PIK3C3: variants seen among roughly 807,000 people sequenced by gnomAD.
PIK3C3 encodes phosphatidylinositol 3-kinase catalytic subunit type 3, also known as PI3-kinase type 3.
A neutral mutation model predicts 126.1 loss-of-function variants in PIK3C3; 95 were observed. That is an observed-to-expected ratio of 0.75 (90% CI 0.64 to 0.89). PIK3C3 has a LOEUF of 0.89. Among genes scored for constraint, PIK3C3 ranks in the 40% least tolerant of loss-of-function variants. The pLI, the probability that PIK3C3 is intolerant of heterozygous loss-of-function variation, is 0.00. For synonymous variants in PIK3C3, 374 were observed against 360.0 expected (o/e 1.04, Z -0.44); for missense variants, 829 against 1,063.2 (o/e 0.78, Z 3.06).
chr18:42,039,042 A>G (rs1280829943), intron 18 of PIK3C3, among the ~76,000 whole-genome samples, 192 bp downstream of exon 18: 1 of 152,148 alleles, frequency 6.6e-6, no homozygotes, highest in African/African-American at 2.4e-5. Flanking sequence ...TGATTAATGT[A>G]ACTACTGGTT....
In PIK3C3 at chr18:42,011,975, G is replaced by A. The variant is rs182859254; in HGVS notation, c.1171-1467G>A. Among the ~76,000 whole-genome samples the A allele has an allele frequency of 9.2e-5, 14 of 152,214 alleles. No individual in the cohort carries two copies. The East Asian group carries it at 2.7e-3, about 29-fold the overall frequency. On this transcript the variant is annotated intron_variant, in intron 10 of 24. Coordinates refer to ENST00000262039, the MANE Select transcript of PIK3C3 (RefSeq NM_002647.4). ...TGATTAAGTGTGCCATCCTATATGG[G>A]TATGCTTTGTGGCACCCCTGGTTAC... is the stretch of plus-strand genomic sequence containing the variant.
chr18:42,005,812 T>A (rs2144386196), intron 10 of PIK3C3, among the ~76,000 whole-genome samples: 1 of 145,838 alleles, frequency 6.9e-6, no homozygotes, highest in South Asian at 2.3e-4. Flanking sequence ...ATTTAAACAC[T>A]AAAGTAAATA....
At chr18:42,070,643 G>C (rs1985735549) in intron 24 of PIK3C3, 1 of 152,096 alleles carries the variant, frequency 6.6e-6, no homozygotes, top group South Asian at 2.1e-4. Context: ...TAAAGTGATT[G>C]ACATTGAGGT....
intron 13 of PIK3C3, chr18:42,026,514 C>G (rs901299798): frequency 2.0e-5 from 3 of 152,030 alleles, no homozygotes; most frequent in African/African-American, 7.3e-5. Context: ...AGCTGGAGTG[C>G]AATGGTATGA....
intron 21 of PIK3C3, among the ~76,000 whole-genome samples, chr18:42,053,287 CAAT>C (rs1306057215): frequency 6.6e-6 from 1 of 152,152 alleles, no homozygotes; most frequent in Non-Finnish European, 1.5e-5. Flanking sequence ...ATATTAGTCT[CAAT>C]TATGGATTTC....
At chr18:41,967,577 G>A (rs1302441242) in intron 3 of PIK3C3, among the ~76,000 whole-genome samples, 1 of 152,122 alleles carries the variant, frequency 6.6e-6, no homozygotes, top group Admixed American at 6.5e-5. Context: ...GCTAATATCT[G>A]TTTTGTTTAC....
chr18:42,022,043 C>T (rs1169462293), intron 13 of PIK3C3, among the ~76,000 whole-genome samples: 2 of 152,168 alleles, frequency 1.3e-5, no homozygotes, highest in Non-Finnish European at 2.9e-5. Flanking sequence ...TCAAGTCCAG[C>T]CTTAACTTCA....
At chr18:42,049,670 A>G (rs1984709845) in intron 21 of PIK3C3, 65 bp downstream of exon 21, 3 of 1,253,956 alleles carry the variant, frequency 2.4e-6, no homozygotes, top group East Asian at 2.3e-5. Context: ...CCCTGAATCT[A>G]TGTACTAACA....
intron 22 of PIK3C3, among the ~76,000 whole-genome samples, chr18:42,059,334 A>G (rs1451819747): frequency 6.6e-6 from 1 of 152,228 alleles, no homozygotes. Flanking sequence ...TGAGAAAATC[A>G]GTGCTCTTTA....
intron 13 of PIK3C3, among the ~76,000 whole-genome samples, chr18:42,022,360 C>T (rs1391861571): frequency 1.3e-5 from 2 of 152,074 alleles, no homozygotes; most frequent in African/African-American, 2.4e-5. Context: ...TGTTCAATTC[C>T]CACCTGTGAG....
chr18:42,006,461 C>T (rs948755731), intron 10 of PIK3C3, among the ~76,000 whole-genome samples: 1 of 152,076 alleles, frequency 6.6e-6, no homozygotes, highest in Non-Finnish European at 1.5e-5. Context: ...TCTCTGTTCC[C>T]CAGAGGTTGA....
intron 1 of PIK3C3, among the ~76,000 whole-genome samples, chr18:41,956,590 G>T (rs958491373): frequency 9.6e-5 from 10 of 103,790 alleles, no homozygotes; most frequent in African/African-American, 3.5e-4. Context: ...GTCTCACTCT[G>T]TCTCCTTTCC....
intron 21 of PIK3C3, among the ~76,000 whole-genome samples, chr18:42,054,846 G>C (rs1341071427): frequency 1.3e-5 from 2 of 151,804 alleles, no homozygotes; most frequent in African/African-American, 4.8e-5. Flanking sequence ...CTTTTGCTTG[G>C]TATTGAGCAC....
chr18:41,959,312 C>G (rs1598843384), intron 2 of PIK3C3, among the ~76,000 whole-genome samples: 2 of 152,290 alleles, frequency 1.3e-5, no homozygotes, highest in Admixed American at 6.5e-5. Context: ...CCTCCTCCTC[C>G]CATTTGCCAA....
At chr18:41,976,906 C>G (rs914294528) in intron 4 of PIK3C3, among the ~76,000 whole-genome samples, 1 of 152,144 alleles carries the variant, frequency 6.6e-6, no homozygotes, top group Non-Finnish European at 1.5e-5. Flanking sequence ...GAACCAGCAC[C>G]TAAAACCACG....
At chr18:42,037,960 T>C in intron 17 of PIK3C3, 140 bp downstream of exon 17, 1 of 717,268 alleles carries the variant, frequency 1.4e-6, no homozygotes, top group Non-Finnish European at 2.2e-6. Context: ...CCACTTGACC[T>C]TGAAAAAATT....
At chr18:42,013,865 A>G (rs1240573522) in intron 11 of PIK3C3, among the ~76,000 whole-genome samples, 5 of 152,170 alleles carry the variant, frequency 3.3e-5, no homozygotes, top group Admixed American at 6.5e-5. Flanking sequence ...CATATTCTCT[A>G]TGTGTCTCCG....
intron 24 of PIK3C3, among the ~76,000 whole-genome samples, chr18:42,079,307 T>C (rs1202884173): frequency 6.6e-6 from 1 of 152,162 alleles, no homozygotes; most frequent in Non-Finnish European, 1.5e-5. Context: ...GAATGGCCAG[T>C]TGGTGGAGTA....
rs748449555 is a variant in PIK3C3, at chr18:42,043,733, A to G, written c.2104A>G (p.Asn702Asp). The G allele has an allele frequency of 1.2e-6, 2 of 1,604,648 alleles. No homozygotes were observed. The highest frequency in any genetic ancestry group is 3.3e-5 in the Admixed American group (2 of 59,922). The change falls in exon 20 of 25, where the codon AAC (asparagine) becomes GAC (aspartate). Residue 702 changes from asparagine to aspartate, a missense_variant and splice_region_variant. By Grantham distance (23) the Asn-to-Asp change is conservative. Coordinates refer to ENST00000262039, the MANE Select transcript of PIK3C3 (RefSeq NM_002647.4). ...EVLDTEGSIQNFFRKYAPSEN... is the reference protein window; with the variant it reads ...EVLDTEGSIQDFFRKYAPSEN... ...AAACATGTAAATAATGTCTTTTCAG[A>G]ACTTTTTTAGAAAATATGCACCAAG...
Sources: gnomAD v4.1 joint callset for allele counts (sites outside exome capture counted in the v4.1 genomes callset) on GRCh38, gnomAD v4.1.1 for gene constraint, MANE v1.5 for transcripts, NCBI Gene and HGNC (gene_info 2026-07-23, HGNC 2026-07-21) for gene names.